Variants in RNF217 observed in about 807,000 individuals in gnomAD.
RNF217 encodes the protein E3 ubiquitin-protein ligase RNF217.
RNF217 carries 31 observed loss-of-function variants against 57.8 expected under a neutral mutation model. That is an observed-to-expected ratio of 0.54 (90% confidence interval 0.40 to 0.72). The LOEUF (loss-of-function observed/expected upper bound fraction) is 0.72. Ranked by LOEUF, RNF217 falls within the 30% of genes least tolerant of loss-of-function variation. The pLI is 0.00. For missense variants in RNF217, 696 were observed against 708.3 expected (o/e 0.98, Z 0.20); for synonymous variants, 313 against 294.0 (o/e 1.06, Z -0.66).
At chr6:125,023,872 G>A (rs1282566559) in intron 1 of RNF217, among the ~76,000 whole-genome samples, 3 of 152,096 alleles carry the variant, frequency 2.0e-5, no homozygotes, top group East Asian at 1.9e-4. Flanking sequence ...ATCTTAAAAA[G>A]TCAAACTCAT....
chr6:125,082,991 G>A lies in RNF217; in HGVS notation c.*54G>A, dbSNP rs1389321764. The A allele has an allele frequency of 8.2e-7, 1 of 1,214,214 alleles. No homozygotes were observed. The highest frequency in any genetic ancestry group is 1.6e-5 in the African/African-American group (1 of 64,048). 75.2% of individuals were successfully genotyped at this position (1,214,214 alleles called of 1,614,324 possible). A position where few individuals can be genotyped will look rare whatever the true frequency, so the allele number is the denominator to read the frequency against. Reference sequence around the variant, plus strand: ...GGTTGGAGTAGGAGCGATACCAAAGGGTACACCCATCTGTGAGTCACATCT... The same window carrying A: ...GGTTGGAGTAGGAGCGATACCAAAGAGTACACCCATCTGTGAGTCACATCT... On this transcript the variant is annotated 3_prime_UTR_variant, in exon 6 of 6. Transcript: ENST00000521654.
At chr6:125,003,049 G>T (rs1785048375) in intron 1 of RNF217, among the ~76,000 whole-genome samples, 1 of 152,114 alleles carries the variant, frequency 6.6e-6, no homozygotes, top group South Asian at 2.1e-4. Context: ...GGTAGCCAAA[G>T]ATTAAATGGC....
intron 3 of RNF217, among the ~76,000 whole-genome samples, chr6:125,074,063 G>A (rs1400914711): frequency 6.6e-6 from 1 of 152,092 alleles, no homozygotes; most frequent in Admixed American, 6.6e-5. Context: ...CCTGCCAAGT[G>A]TCAGTCACCC....
chr6:124,981,996 C>G (rs1784187476), intron 1 of RNF217, among the ~76,000 whole-genome samples: 1 of 145,888 alleles, frequency 6.9e-6, no homozygotes, highest in Admixed American at 7.0e-5. Context: ...CCGCTGCACT[C>G]CATCCTGGCA....
At chr6:125,028,604 T>C (rs1363246662) in intron 1 of RNF217, among the ~76,000 whole-genome samples, 1 of 152,072 alleles carries the variant, frequency 6.6e-6, no homozygotes, top group Non-Finnish European at 1.5e-5. Flanking sequence ...TGTATTATAA[T>C]TCAGTTTTAA....
At chr6:125,061,674 T>C (rs1787738247) in intron 3 of RNF217, among the ~76,000 whole-genome samples, 2 of 151,856 alleles carry the variant, frequency 1.3e-5, no homozygotes, top group Non-Finnish European at 2.9e-5. Context: ...GTTTAGTTTT[T>C]TTATTTTTGT....
At chr6:125,045,970 A>G (rs983646027) in intron 2 of RNF217, among the ~76,000 whole-genome samples, 1 of 152,096 alleles carries the variant, frequency 6.6e-6, no homozygotes, top group African/African-American at 2.4e-5. Context: ...TGGGAGAGAC[A>G]TGTGTTCTAA....
At chr6:124,966,760 A>G (rs1390334820) in intron 1 of RNF217, among the ~76,000 whole-genome samples, 2 of 152,226 alleles carry the variant, frequency 1.3e-5, no homozygotes, top group South Asian at 4.1e-4. Flanking sequence ...AGATAGGAAT[A>G]TGGATTTTTA....
At chr6:125,075,854 C>A (rs1372114453) in intron 3 of RNF217, among the ~76,000 whole-genome samples, 1 of 151,982 alleles carries the variant, frequency 6.6e-6, no homozygotes, top group Non-Finnish European at 1.5e-5. Flanking sequence ...AGAGTAAAGT[C>A]TTGATTATAA....
intron 2 of RNF217, among the ~76,000 whole-genome samples, chr6:125,055,593 A>G (rs1347900924): frequency 6.6e-6 from 1 of 152,186 alleles, no homozygotes; most frequent in African/African-American, 2.4e-5. Flanking sequence ...AATATAATCT[A>G]AGACTGATTA....
Position 124,963,380 on chromosome 6 carries a change from A to T in RNF217, c.836A>T (p.Lys279Met). ...DKPIKPLPCC[K>M]KAVCEECLKV... The stretch of plus-strand genomic sequence containing the variant: ...CCCATCAAGCCCCTGCCTTGCTGCA[A>T]GAAGGCCGTGTGCGAGGAGTGCCTC... The change falls in exon 1 of 6, where the codon AAG becomes ATG. Residue 279 changes from lysine to methionine, a missense_variant. Lys to Met is a moderately conservative substitution (Grantham distance 95). This residue lies in a region of RNF217 where 465 missense variants were observed against 386.8 expected (regional missense o/e 1.20). Transcript: ENST00000521654. 1 of 1,513,670 alleles carries T rather than the reference A, an allele frequency of 6.6e-7. No homozygotes were observed. Among genetic ancestry groups the T allele is most frequent in the Non-Finnish European group, 8.8e-7 (1 of 1,136,602 alleles). The allele number at this position is 1,513,670 out of a possible 1,614,324, so 93.8% of individuals were successfully genotyped here. A position where few individuals can be genotyped will look rare whatever the true frequency, so the allele number is the denominator to read the frequency against.
intron 3 of RNF217, among the ~76,000 whole-genome samples, chr6:125,074,297 GTAGATAGA>G (rs61208735): frequency 0.15 from 22,044 of 144,712 alleles, 1,840 homozygotes; most frequent in East Asian, 0.29. Context: ...CAGAAGATAG[GTAGATAGA>G]TAGATAGATA....
At chr6:125,067,066 T>C (rs1369936060) in intron 3 of RNF217, among the ~76,000 whole-genome samples, 1 of 152,138 alleles carries the variant, frequency 6.6e-6, no homozygotes, top group Non-Finnish European at 1.5e-5. Flanking sequence ...AGCTAGGTTG[T>C]GGAGGATTGT....
intron 1 of RNF217, among the ~76,000 whole-genome samples, chr6:125,011,667 GGAGTGTC>G (rs1785420352): frequency 6.6e-6 from 1 of 152,116 alleles, no homozygotes; most frequent in East Asian, 1.9e-4. Context: ...GAGAGAGCAA[GGAGTGTC>G]AGGTTCTAAA....
chr6:125,002,028 A>G (rs1348614215), intron 1 of RNF217, among the ~76,000 whole-genome samples: 1 of 152,154 alleles, frequency 6.6e-6, no homozygotes, highest in African/African-American at 2.4e-5. Context: ...TAAGATCTTT[A>G]GTTACAGATC....
intron 1 of RNF217, among the ~76,000 whole-genome samples, chr6:125,024,873 C>T (rs1030880997): frequency 4.6e-5 from 7 of 152,050 alleles, no homozygotes; most frequent in Middle Eastern, 3.2e-3. Context: ...GAGATCTGGA[C>T]TGGTGTTTTA....
intron 1 of RNF217, among the ~76,000 whole-genome samples, chr6:125,038,444 A>G (rs1335736661): frequency 1.3e-5 from 2 of 152,166 alleles, no homozygotes; most frequent in Non-Finnish European, 1.5e-5. Flanking sequence ...ATGAAATGAC[A>G]TGATATCTGG....
At chr6:125,060,201 T>C (rs145515291) in intron 3 of RNF217, among the ~76,000 whole-genome samples, 1 of 152,242 alleles carries the variant, frequency 6.6e-6, no homozygotes, top group African/African-American at 2.4e-5. Flanking sequence ...TTTATAAATA[T>C]AAAATAGGAA....
Position 125,058,048 on chromosome 6 carries a change from A to G in RNF217, c.1223A>G (p.His408Arg). 1.2e-6 allele frequency: 2 copies of G among 1,613,606 alleles called. No individual in the cohort carries two copies. Among genetic ancestry groups the G allele is most frequent in the East Asian group, 4.5e-5 (2 of 44,808 alleles). The change falls in exon 3 of 6, where the codon CAC (histidine) becomes CGC (arginine). Residue 408 changes from histidine (H) to arginine (R), a missense_variant. This residue lies in a region of RNF217 where 231 missense variants were observed against 321.4 expected (regional missense o/e 0.72). Coordinates refer to ENST00000521654, the MANE Select transcript of RNF217 (RefSeq NM_001286398.3). ...AAAAAAGGAGACAAATTGTTGCGTC[A>G]CTGGGCCAGCGAAATTGAGCATGGG... ...EYKKGDKLLRHWASEIEHGQR... is the reference protein window; with the variant it reads ...EYKKGDKLLRRWASEIEHGQR...
Sources: allele counts gnomAD v4.1 joint callset (sites outside exome capture counted in the v4.1 genomes callset), GRCh38; gene constraint gnomAD v4.1.1; regional missense constraint gnomAD v4.1.1; transcripts MANE v1.5; gene names NCBI Gene and HGNC (gene_info 2026-07-23, HGNC 2026-07-21).